CCDC85C: variants seen among roughly 807,000 people sequenced by gnomAD.
The protein encoded by CCDC85C is coiled-coil domain-containing protein 85C.
Under a neutral mutation model 38.3 loss-of-function variants are expected in CCDC85C, and 18 were observed. The ratio of observed to expected loss-of-function variants is 0.47; its 90% confidence interval spans 0.33 to 0.70. The LOEUF (loss-of-function observed/expected upper bound fraction) is 0.70, where lower values mean the gene tolerates loss of function less well. Ranked by LOEUF, CCDC85C falls within the 30% of genes least tolerant of loss-of-function variation. CCDC85C has a pLI of 0.03. For synonymous variants in CCDC85C, 264 were observed against 293.8 expected (o/e 0.90, Z 1.04); for missense variants, 566 against 621.2 (o/e 0.91, Z 0.94).
intron 2 of CCDC85C, among the ~76,000 whole-genome samples, chr14:99,525,509 G>A (rs1160047497): frequency 6.6e-6 from 1 of 152,248 alleles, no homozygotes; most frequent in Non-Finnish European, 1.5e-5. Context: ...GCTGTGCTTA[G>A]GGGAGCTGCT....
In CCDC85C at chr14:99,503,591, T is replaced by C. The variant is rs201198105; in HGVS notation, c.*11655A>G. Reference sequence around the variant, plus strand: ...TACTCAGGATCCCAGTTAACAATTGTGTATTTTCTTTTGTAACAGGTTGTT... The same window carrying C: ...TACTCAGGATCCCAGTTAACAATTGCGTATTTTCTTTTGTAACAGGTTGTT... On this transcript the variant is annotated 3_prime_UTR_variant, in exon 6 of 6. Coordinates refer to ENST00000380243, the MANE Select transcript of CCDC85C (RefSeq NM_001144995.2). 13 of 1,552,592 alleles carry C rather than the reference T, an allele frequency of 8.4e-6. No individual in the cohort carries two copies. The African/African-American group carries it at 1.5e-4, about 18-fold the overall frequency.
chr14:99,597,422 C>T (rs545896847), intron 1 of CCDC85C, among the ~76,000 whole-genome samples: 1 of 152,172 alleles, frequency 6.6e-6, no homozygotes, highest in South Asian at 2.1e-4. Flanking sequence ...TTAGAACCCA[C>T]ATCTCAACCA....
chr14:99,588,671 T>C lies in CCDC85C; in HGVS notation c.793+14496A>G, dbSNP rs2055052440. On this transcript the variant is annotated intron_variant, in intron 1 of 5. Transcript: ENST00000380243. This position sits in a 1 kb window ranked among gnomAD's most constrained non-coding sequence, Gnocchi z 5.0. ...CTGCCCTTTCTGGTCTGGGGTCAGG[T>C]CATTCCCCCACCCGTATAAGCACTT... 6.6e-6 allele frequency among the ~76,000 whole-genome samples: 1 copy of C among 151,804 alleles called. No homozygotes were observed. The highest frequency in any genetic ancestry group is 1.5e-5 in the Non-Finnish European group (1 of 67,970).
chr14:99,548,529 G>A lies in CCDC85C; in HGVS notation c.794-12441C>T, dbSNP rs914307269. Among the ~76,000 whole-genome samples the A allele has an allele frequency of 9.2e-5, 14 of 152,018 alleles. No homozygotes were observed. The highest frequency in any genetic ancestry group is 2.7e-4 in the African/African-American group (11 of 41,454). ...ACAAAGCCCAGCACAAGCGCCCAAC[G>A]AGACAGGCACAAGACCGTGTCTGCC... On this transcript the variant is annotated intron_variant, in intron 1 of 5. Coordinates refer to ENST00000380243, the MANE Select transcript of CCDC85C (RefSeq NM_001144995.2). The surrounding 1 kb of genome is among the most constrained non-coding windows in gnomAD (Gnocchi z 4.9).
intron 1 of CCDC85C, among the ~76,000 whole-genome samples, chr14:99,547,640 G>T (rs1422389994): frequency 1.3e-5 from 2 of 152,062 alleles, no homozygotes; most frequent in Non-Finnish European, 2.9e-5. Flanking sequence ...TGGGTATGGT[G>T]GCGGGCACCT....
chr14:99,500,538 A>T lies in CCDC85C; in HGVS notation c.*14708T>A, dbSNP rs1201719943. ...TTTTTAAGGATCTTTTGTTTTCAGT[A>T]TTTTTTTTTACATTACACCTCTGCT... On this transcript the variant is annotated 3_prime_UTR_variant, in exon 6 of 6. Coordinates refer to ENST00000380243, the MANE Select transcript of CCDC85C (RefSeq NM_001144995.2). The T allele has an allele frequency of 2.2e-6, 1 of 453,930 alleles. No homozygotes were observed. The highest frequency in any genetic ancestry group is 3.9e-6 in the Non-Finnish European group (1 of 257,756). 28.1% of individuals were successfully genotyped at this position (453,930 alleles called of 1,614,324 possible). A position where few individuals can be genotyped will look rare whatever the true frequency, so the allele number is the denominator to read the frequency against.
rs559653644 is a variant in CCDC85C, at chr14:99,544,514, G to C, written c.794-8426C>G. ...GGTGTGTGTGTGTGTGTGTGTGTGTGTGTCTGTGTGTCTGTGTGTTCCCAC... is the reference window on the plus strand; with the variant it reads ...GGTGTGTGTGTGTGTGTGTGTGTGTCTGTCTGTGTGTCTGTGTGTTCCCAC... On this transcript the variant is annotated intron_variant, in intron 1 of 5. Transcript: ENST00000380243. The surrounding 1 kb of genome is among the most constrained non-coding windows in gnomAD (Gnocchi z 5.3). Among the ~76,000 whole-genome samples, 1 of 151,202 alleles carries C rather than the reference G, an allele frequency of 6.6e-6. No homozygotes were observed. Among genetic ancestry groups the C allele is most frequent in the Admixed American group, 6.6e-5 (1 of 15,142 alleles).
At chr14:99,599,287 G>C (rs1020673962) in intron 1 of CCDC85C, among the ~76,000 whole-genome samples, 1 of 152,126 alleles carries the variant, frequency 6.6e-6, no homozygotes, top group African/African-American at 2.4e-5. Flanking sequence ...GCACAGGCTT[G>C]CTAGAATCCT....
intron 1 of CCDC85C, among the ~76,000 whole-genome samples, chr14:99,561,498 G>A (rs1898116226): frequency 6.6e-6 from 1 of 152,182 alleles, no homozygotes; most frequent in Non-Finnish European, 1.5e-5. Context: ...GACACCTACA[G>A]GGCAGTCCCT....
chr14:99,506,921 T>A lies in CCDC85C; in HGVS notation c.*8325A>T. ...ATTTGTTAACAGGATTCATGCATAA[T>A]GGTTTAGCTGAAACCTTCTTCAAGT... On this transcript the variant is annotated 3_prime_UTR_variant, in exon 6 of 6. Coordinates refer to ENST00000380243, the MANE Select transcript of CCDC85C (RefSeq NM_001144995.2). 1.6e-6 allele frequency: 1 copy of A among 644,898 alleles called. No homozygotes were observed. The highest frequency in any genetic ancestry group is 2.8e-6 in the Non-Finnish European group (1 of 354,530). 39.9% of individuals were successfully genotyped at this position (644,898 alleles called of 1,614,324 possible). A position where few individuals can be genotyped will look rare whatever the true frequency, so the allele number is the denominator to read the frequency against.
chr14:99,511,549 C>G lies in CCDC85C; in HGVS notation c.*3697G>C, dbSNP rs1897131589. On this transcript the variant is annotated 3_prime_UTR_variant, in exon 6 of 6. Coordinates refer to ENST00000380243, the MANE Select transcript of CCDC85C (RefSeq NM_001144995.2). The stretch of plus-strand genomic sequence containing the variant: ...TTTGTTATGGGTGGAAGGTGGGGCT[C>G]CAGGCCTTCGCAGTCTGTGGCTTAT... 6.6e-6 allele frequency: 1 copy of G among 152,534 alleles called. No homozygotes were observed. The highest frequency in any genetic ancestry group is 1.5e-5 in the Non-Finnish European group (1 of 68,042). The allele number at this position is 152,534 out of a possible 1,614,324, so 9.4% of individuals were successfully genotyped here. A position where few individuals can be genotyped will look rare whatever the true frequency, so the allele number is the denominator to read the frequency against.
At chr14:99,580,074 C>G (rs1299003475) in intron 1 of CCDC85C, 1 of 455,664 alleles carries the variant, frequency 2.2e-6, no homozygotes, top group Non-Finnish European at 4.4e-6. Flanking sequence ...TCTCACATTC[C>G]TAAACAGTAG....
chr14:99,540,423 G>A (rs933055053), intron 1 of CCDC85C, among the ~76,000 whole-genome samples: 14 of 152,262 alleles, frequency 9.2e-5, no homozygotes, highest in African/African-American at 2.6e-4. Context: ...CCGGCTCCCC[G>A]GGAGGACTGT....
At chr14:99,526,903 G>A (rs964987649) in intron 2 of CCDC85C, among the ~76,000 whole-genome samples, 1 of 152,110 alleles carries the variant, frequency 6.6e-6, no homozygotes, top group South Asian at 2.1e-4. Flanking sequence ...AGCTCCAGGG[G>A]CAGCTGGGGC....
chr14:99,567,398 G>T (rs1385113316), intron 1 of CCDC85C, among the ~76,000 whole-genome samples: 1 of 152,206 alleles, frequency 6.6e-6, no homozygotes, highest in Non-Finnish European at 1.5e-5. Flanking sequence ...ACAACCAGGG[G>T]AGGCATGGTG....
At chr14:99,554,120 G>A (rs1477779827) in intron 1 of CCDC85C, among the ~76,000 whole-genome samples, 4 of 151,990 alleles carry the variant, frequency 2.6e-5, no homozygotes, top group African/African-American at 7.3e-5. Flanking sequence ...TGAACTCTCC[G>A]GAGCCACCCA....
intron 2 of CCDC85C, among the ~76,000 whole-genome samples, chr14:99,523,893 G>A (rs889316979): frequency 6.6e-6 from 1 of 152,040 alleles, no homozygotes; most frequent in African/African-American, 2.4e-5. Flanking sequence ...GGCACTCACG[G>A]CCCGCAGGTG....
At position 99,510,593 on chromosome 14, in the gene CCDC85C, ACCCCCACC is replaced by A; in HGVS notation, c.*4645_*4652del. ...CACCCACCTACAACCCCAACTTCCC[ACCCCCACC>A]CCCACGCCTCCCGCCTACCCACGCA... On this transcript the variant is annotated 3_prime_UTR_variant, in exon 6 of 6. Transcript: ENST00000380243. 1 of 274,014 alleles carries A rather than the reference ACCCCCACC, an allele frequency of 3.6e-6. No homozygotes were observed. Among genetic ancestry groups the A allele is most frequent in the Non-Finnish European group, 6.4e-6 (1 of 155,804 alleles). 17.0% of individuals were successfully genotyped at this position (274,014 alleles called of 1,614,324 possible).
rs765303348 is a variant in CCDC85C, at chr14:99,503,663, GTTTT to G, written c.*11579_*11582del. 1.3e-6 allele frequency: 2 copies of G among 1,547,708 alleles called. No individual in the cohort carries two copies. Among genetic ancestry groups the G allele is most frequent in the African/African-American group, 2.7e-5 (2 of 73,210 alleles). ...GCAGCAGGTAATTTCCTGTTCTGATGTTTTTTTAGTTTTATGTGTTTATATGCAA... is the reference window on the plus strand; with the variant it reads ...GCAGCAGGTAATTTCCTGTTCTGATGTTTAGTTTTATGTGTTTATATGCAA... On this transcript the variant is annotated 3_prime_UTR_variant, in exon 6 of 6. Transcript: ENST00000380243.
Sources: gnomAD v4.1 joint callset for allele counts (sites outside exome capture counted in the v4.1 genomes callset) on GRCh38, gnomAD v4.1.1 for gene constraint, Gnocchi (gnomAD v3.1) non-coding constraint, MANE v1.5 for transcripts, NCBI Gene and HGNC (gene_info 2026-07-23, HGNC 2026-07-21) for gene names.